TOX2: variants seen among roughly 807,000 people sequenced by gnomAD.
TOX2 encodes granulosa cell HMG box 1.
Under a neutral mutation model 47.4 loss-of-function variants are expected in TOX2, and 15 were observed. That is an observed-to-expected ratio of 0.32 (90% CI 0.21 to 0.49). The LOEUF is 0.49. Ranked by LOEUF, TOX2 falls within the 20% of genes least tolerant of loss-of-function variation. The pLI is 0.99. For synonymous variants in TOX2, 290 were observed against 296.6 expected (o/e 0.98, Z 0.23); for missense variants, 622 against 673.1 (o/e 0.92, Z 0.84).
At chr20:43,978,541 C>T (rs959019609) in intron 2 of TOX2, among the ~76,000 whole-genome samples, 1 of 152,154 alleles carries the variant, frequency 6.6e-6, no homozygotes, top group African/African-American at 2.4e-5. Context: ...TCACCTCTTG[C>T]GCTCATTTAC....
chr20:43,961,468 G>A (rs1015930167), intron 1 of TOX2, among the ~76,000 whole-genome samples: 1 of 152,178 alleles, frequency 6.6e-6, no homozygotes, highest in Non-Finnish European at 1.5e-5. Context: ...CTTGGGGAGA[G>A]CCACGCAGAG....
chr20:43,951,884 ATTTT>A (rs1359740335), intron 1 of TOX2, among the ~76,000 whole-genome samples: 1 of 72,330 alleles, frequency 1.4e-5, no homozygotes, highest in Non-Finnish European at 2.8e-5. Flanking sequence ...ATTAAAAATA[ATTTT>A]TTGTTTGTTT....
At chr20:43,986,858 G>A (rs1389680144) in intron 2 of TOX2, among the ~76,000 whole-genome samples, 1 of 152,106 alleles carries the variant, frequency 6.6e-6, no homozygotes, top group Non-Finnish European at 1.5e-5. Context: ...TTGAGCCCAG[G>A]AGTTCAAGAC....
intron 3 of TOX2, among the ~76,000 whole-genome samples, chr20:44,032,563 A>AGGT (rs1324022935): frequency 6.6e-6 from 1 of 152,052 alleles, no homozygotes; most frequent in Non-Finnish European, 1.5e-5. Flanking sequence ...GAGAGGTGCC[A>AGGT]GGTGGTGGTG....
intron 5 of TOX2, among the ~76,000 whole-genome samples, chr20:44,059,395 T>C (rs2071677350): frequency 6.6e-6 from 1 of 152,152 alleles, no homozygotes; most frequent in African/African-American, 2.4e-5. Context: ...TAAGAATCAC[T>C]GGTGTTCCTG....
intron 3 of TOX2, among the ~76,000 whole-genome samples, chr20:44,032,962 A>T (rs1436206369): frequency 6.6e-6 from 1 of 152,248 alleles, no homozygotes; most frequent in East Asian, 1.9e-4. Flanking sequence ...CTCAATAATT[A>T]AAACTGTGAT....
chr20:44,022,570 CAG>C (rs2070992570), intron 3 of TOX2, among the ~76,000 whole-genome samples: 1 of 152,226 alleles, frequency 6.6e-6, no homozygotes, highest in Non-Finnish European at 1.5e-5. Context: ...CATGGTCTCA[CAG>C]GGGTACCTGG....
intron 5 of TOX2, among the ~76,000 whole-genome samples, chr20:44,063,358 G>C (rs1364823186): frequency 6.6e-6 from 1 of 152,046 alleles, no homozygotes; most frequent in African/African-American, 2.4e-5. Flanking sequence ...TATACAAATG[G>C]CCAACAAACA....
At chr20:44,007,076 T>C (rs1306538606) in intron 3 of TOX2, among the ~76,000 whole-genome samples, 1 of 152,232 alleles carries the variant, frequency 6.6e-6, no homozygotes, top group Admixed American at 6.5e-5. Flanking sequence ...TATTTGTTAA[T>C]AGTATAATCT....
At chr20:44,063,321 G>T (rs140284272) in intron 5 of TOX2, among the ~76,000 whole-genome samples, 1,744 of 152,154 alleles carry the variant, frequency 0.011, 27 homozygotes, top group African/African-American at 0.035. Context: ...GGGCTAAGGA[G>T]ATGAATAGAG....
At position 44,051,303 on chromosome 20, in the gene TOX2, T is replaced by C. The variant is rs1310043764; in HGVS notation, c.412-3T>C. 3.1e-6 allele frequency: 5 copies of C among 1,602,588 alleles called. No individual in the cohort carries two copies. The East Asian group carries it at 1.1e-4, about 36-fold the overall frequency. On this transcript the variant is annotated splice_region_variant and splice_polypyrimidine_tract_variant and intron_variant, in intron 3 of 8. Coordinates refer to ENST00000341197, the MANE Select transcript of TOX2 (RefSeq NM_001098797.2). ...ACTCAACCCTCCTGTCCTCCTCTCT[T>C]AGATCCAGGAGATGGTCCACTCGGA...
intron 1 of TOX2, among the ~76,000 whole-genome samples, chr20:43,951,717 T>TTTTTTG (rs945763231): frequency 4.8e-5 from 6 of 124,890 alleles, no homozygotes; most frequent in Non-Finnish European, 6.8e-5. Context: ...GTTTTTTTTT[T>TTTTTTG]TTTTTTTTTT....
intron 2 of TOX2, among the ~76,000 whole-genome samples, chr20:43,986,474 G>T (rs2145526562): frequency 6.6e-6 from 1 of 152,168 alleles, no homozygotes; most frequent in South Asian, 2.1e-4. Flanking sequence ...TAGAAATGGG[G>T]TTTTTCCATG....
intron 3 of TOX2, among the ~76,000 whole-genome samples, chr20:44,013,448 G>T (rs2070816108): frequency 6.6e-6 from 1 of 152,222 alleles, no homozygotes; most frequent in Admixed American, 6.5e-5. Context: ...AAGGAAGAAA[G>T]ACCCTCAACC....
intron 2 of TOX2, among the ~76,000 whole-genome samples, chr20:44,000,813 G>T (rs2070565735): frequency 6.6e-6 from 1 of 152,096 alleles, no homozygotes; most frequent in African/African-American, 2.4e-5. Flanking sequence ...GATGTTGAAG[G>T]ACCAATATCT....
At chr20:43,940,170 A>G (rs2069383463) in intron 1 of TOX2, among the ~76,000 whole-genome samples, 2 of 151,654 alleles carry the variant, frequency 1.3e-5, no homozygotes, top group South Asian at 4.2e-4. Context: ...AAGACTTTCT[A>G]CCTTGAGGAC....
intron 2 of TOX2, among the ~76,000 whole-genome samples, chr20:43,975,619 GA>G (rs1478583248): frequency 6.6e-6 from 1 of 152,094 alleles, no homozygotes; most frequent in African/African-American, 2.4e-5. Flanking sequence ...CTTCTGCAGA[GA>G]GCTCTTTGTG....
At chr20:43,966,946 G>C (rs1192035826) in intron 1 of TOX2, among the ~76,000 whole-genome samples, 1 of 61,604 alleles carries the variant, frequency 1.6e-5, no homozygotes, top group African/African-American at 6.6e-5. Flanking sequence ...ACGATGGATT[G>C]TGTGACACGG....
Position 44,068,832 on chromosome 20 carries a change from T to C in TOX2, c.*146T>C. 6 of 1,081,982 alleles carry C rather than the reference T, an allele frequency of 5.5e-6. No individual in the cohort carries two copies. Among genetic ancestry groups the C allele is most frequent in the Non-Finnish European group, 8.3e-6 (6 of 719,696 alleles). 67.0% of individuals were successfully genotyped at this position (1,081,982 alleles called of 1,614,324 possible). On this transcript the variant is annotated 3_prime_UTR_variant, in exon 9 of 9. Coordinates refer to ENST00000341197, the MANE Select transcript of TOX2 (RefSeq NM_001098797.2). ...ACCCATTGCCCGGGGGCTGAGTCTC[T>C]TCCTCAACCTCCCACCAGACTCTGC...
Sources: allele counts gnomAD v4.1 joint callset (sites outside exome capture counted in the v4.1 genomes callset), GRCh38; gene constraint gnomAD v4.1.1; transcripts MANE v1.5; gene names NCBI Gene and HGNC (gene_info 2026-07-23, HGNC 2026-07-21).